Variants in PCDHGA9 observed in about 807,000 individuals in gnomAD.
The protein encoded by PCDHGA9 is protocadherin gamma-A9.
Under a neutral mutation model 62.5 loss-of-function variants are expected in PCDHGA9, and 37 were observed. That is an observed-to-expected ratio of 0.59 (90% CI 0.46 to 0.78). The LOEUF is 0.78. Ranked by LOEUF, PCDHGA9 falls within the 30% of genes least tolerant of loss-of-function variation. The pLI is 0.00. For synonymous variants in PCDHGA9, 459 were observed against 484.6 expected (o/e 0.95, Z 0.69); for missense variants, 1,138 against 1,166.2 (o/e 0.98, Z 0.35).
chr5:141,433,079 A>C, intron 1 of PCDHGA9: 1 of 1,614,208 alleles, frequency 6.2e-7, no homozygotes, highest in South Asian at 1.1e-5. Flanking sequence ...CCCCCAGCCC[A>C]ACTATGCAGA....
intron 2 of PCDHGA9, among the ~76,000 whole-genome samples, chr5:141,500,906 G>C (rs1333707004): frequency 6.7e-6 from 1 of 149,672 alleles, no homozygotes; most frequent in African/African-American, 2.5e-5. Flanking sequence ...GTCTCGCTCT[G>C]TCTCCAGGCT....
intron 1 of PCDHGA9, among the ~76,000 whole-genome samples, chr5:141,456,707 G>A (rs1198079338): frequency 6.6e-6 from 1 of 152,208 alleles, no homozygotes; most frequent in African/African-American, 2.4e-5. Context: ...GCTCGCGCCT[G>A]TAATCCCAGC....
intron 1 of PCDHGA9, among the ~76,000 whole-genome samples, chr5:141,444,152 ATTTTTTTTTTTTTTT>A (rs747671382): frequency 3.8e-4 from 13 of 33,894 alleles, no homozygotes; most frequent in East Asian, 1.0e-3. Context: ...TGTGTACTGG[ATTTTTTTTTTTTTTT>A]TTTTTTTTTT....
intron 2 of PCDHGA9, among the ~76,000 whole-genome samples, chr5:141,495,607 A>G (rs1484333463): frequency 1.3e-5 from 2 of 151,832 alleles, no homozygotes; most frequent in Admixed American, 1.3e-4. Flanking sequence ...TTCCGTCTTG[A>G]TTGCTGCACC....
chr5:141,431,536 G>T lies in PCDHGA9; in HGVS notation c.2424+26160G>T. Reference sequence around the variant, plus strand: ...TTCCGGAGAATCTGGCCTTGGGCACGCAGCTGCTTGTAGTCAACGCTACCG... The same window carrying T: ...TTCCGGAGAATCTGGCCTTGGGCACTCAGCTGCTTGTAGTCAACGCTACCG... On this transcript the variant is annotated intron_variant, in intron 1 of 3. Coordinates refer to ENST00000573521, the MANE Select transcript of PCDHGA9 (RefSeq NM_018921.3). The surrounding 1 kb of genome is among the most constrained non-coding windows in gnomAD (Gnocchi z 4.8). 6.2e-7 allele frequency: 1 copy of T among 1,614,068 alleles called. No homozygotes were observed. Among genetic ancestry groups the T allele is most frequent in the Non-Finnish European group, 8.5e-7 (1 of 1,180,022 alleles).
intron 1 of PCDHGA9, among the ~76,000 whole-genome samples, chr5:141,436,424 T>C (rs2154557109): frequency 6.6e-6 from 1 of 152,322 alleles, no homozygotes; most frequent in Middle Eastern, 3.4e-3. Context: ...AAACAAATAA[T>C]GTACTCTGGG....
At chr5:141,506,700 G>A (rs780282969) in intron 3 of PCDHGA9, among the ~76,000 whole-genome samples, 3 of 152,138 alleles carry the variant, frequency 2.0e-5, no homozygotes, top group Non-Finnish European at 2.9e-5. Flanking sequence ...ACCCAAACCC[G>A]TTTTTTACTG....
chr5:141,427,697 A>G (rs1306378691), intron 1 of PCDHGA9: 3 of 924,392 alleles, frequency 3.2e-6, no homozygotes, highest in South Asian at 1.4e-5. Context: ...CCATCCCACA[A>G]GTCAGCGCCT....
chr5:141,474,405 G>C (rs2099348833), intron 1 of PCDHGA9, among the ~76,000 whole-genome samples: 1 of 152,196 alleles, frequency 6.6e-6, no homozygotes, highest in Admixed American at 6.5e-5. Context: ...AAGCTCCCCG[G>C]TGATGCCTAG....
chr5:141,477,890 C>A lies in PCDHGA9; in HGVS notation c.2425-16917C>A, dbSNP rs202114426. On this transcript the variant is annotated intron_variant, in intron 1 of 3. Transcript: ENST00000573521. This position sits in a 1 kb window ranked among gnomAD's most constrained non-coding sequence, Gnocchi z 4.9. ...TACCTCAGCTGGCCACCTAGTGTCA[C>A]GGGTGGTAGGCTGGGACGCGGATGC... is the stretch of plus-strand genomic sequence containing the variant. 3.1e-6 allele frequency: 5 copies of A among 1,614,204 alleles called. 1 individual carries two copies. In the Admixed American group the frequency reaches 8.3e-5, roughly 27 times the overall value.
At chr5:141,484,672 A>G (rs1253641119) in intron 1 of PCDHGA9, among the ~76,000 whole-genome samples, 1 of 151,990 alleles carries the variant, frequency 6.6e-6, no homozygotes, top group African/African-American at 2.4e-5. Flanking sequence ...AGTGGGCCGC[A>G]GGTTGCTAGG....
intron 1 of PCDHGA9, among the ~76,000 whole-genome samples, chr5:141,473,383 C>A (rs976400317): frequency 3.3e-5 from 5 of 152,200 alleles, no homozygotes; most frequent in African/African-American, 9.6e-5. Context: ...GGTCCCTGCC[C>A]TCCTGGAGCT....
intron 1 of PCDHGA9, chr5:141,430,990 GA>G (rs1185464233): frequency 1.2e-6 from 2 of 1,613,970 alleles, no homozygotes; most frequent in East Asian, 4.5e-5. Context: ...TTTTCGCCCT[GA>G]ATCCGCGCAG....
chr5:141,489,088 G>GCCAA lies in PCDHGA9; in HGVS notation c.2425-5719_2425-5718insCCAA. The GCCAA allele has an allele frequency of 2.9e-6, 1 of 347,240 alleles. No individual in the cohort carries two copies. Among genetic ancestry groups the GCCAA allele is most frequent in the Non-Finnish European group, 5.0e-6 (1 of 200,708 alleles). The allele number at this position is 347,240 out of a possible 1,614,324, so 21.5% of individuals were successfully genotyped here. A position where few individuals can be genotyped will look rare whatever the true frequency, so the allele number is the denominator to read the frequency against. ...CCCCTGCCCACCCCCGCCACTCGGT[G>GCCAA]ACTAAGAACTGCTGCAAGCAGGCAA... On this transcript the variant is annotated intron_variant, in intron 1 of 3. Transcript: ENST00000573521. This position sits in a 1 kb window ranked among gnomAD's most constrained non-coding sequence, Gnocchi z 4.5.
chr5:141,508,994 A>G (rs2099873731), intron 3 of PCDHGA9, among the ~76,000 whole-genome samples: 1 of 152,052 alleles, frequency 6.6e-6, no homozygotes, highest in South Asian at 2.1e-4. Flanking sequence ...CAGCTGGGGT[A>G]GGAGAGGAGG....
Position 141,404,720 on chromosome 5 carries a change from A to C in PCDHGA9, c.1768A>C (p.Lys590Gln). The C allele has an allele frequency of 6.2e-7, 1 of 1,613,804 alleles. No homozygotes were observed. Among genetic ancestry groups the C allele is most frequent in the Non-Finnish European group, 8.5e-7 (1 of 1,179,998 alleles). ...RSAEPGYLVT[K>Q]VVAVDRDSGQ... is the part of the protein sequence containing the mutation. ...TGCAGAGCCTGGCTACCTGGTGACC[A>C]AGGTGGTGGCAGTGGACAGAGACTC... is the stretch of plus-strand genomic sequence containing the variant. The change falls in exon 1 of 4, where the codon AAG (lysine) becomes CAG (glutamine). Residue 590 changes from lysine (K) to glutamine (Q), a missense_variant. By Grantham distance (53) the Lys-to-Gln change is moderately conservative. Transcript: ENST00000573521.
At chr5:141,458,064 C>G (rs886724551) in intron 1 of PCDHGA9, among the ~76,000 whole-genome samples, 1 of 152,104 alleles carries the variant, frequency 6.6e-6, no homozygotes, top group Admixed American at 6.6e-5. Flanking sequence ...TGCACTGATG[C>G]GAACAACTAT....
chr5:141,481,619 A>T (rs1303171847), intron 1 of PCDHGA9, among the ~76,000 whole-genome samples: 1 of 152,128 alleles, frequency 6.6e-6, no homozygotes, highest in Non-Finnish European at 1.5e-5. Flanking sequence ...GGAGTTCAAG[A>T]CCGGCCTGGC....
At position 141,505,406 on chromosome 5, in the gene PCDHGA9, G is replaced by A. The variant is rs546453598; in HGVS notation, c.2497G>A (p.Asp833Asn). 61 of 1,614,174 alleles carry A rather than the reference G, an allele frequency of 3.8e-5. No individual in the cohort carries two copies. The highest frequency in any genetic ancestry group is 1.1e-4 in the East Asian group (5 of 44,866). ...RPGTSGSQNG[D>N]DTGTWPNNQF... Reference sequence around the variant, plus strand: ...CTCTCTCCCCAGCTCCCAAAATGGCGATGACACCGGCACCTGGCCCAACAA... The same window carrying A: ...CTCTCTCCCCAGCTCCCAAAATGGCAATGACACCGGCACCTGGCCCAACAA... Residue 833 changes from aspartate to asparagine, a missense_variant, in exon 3 of 4, where the codon GAT (aspartate) becomes AAT (asparagine). Transcript: ENST00000573521.
Sources: gnomAD v4.1 joint callset for allele counts (sites outside exome capture counted in the v4.1 genomes callset) on GRCh38, gnomAD v4.1.1 for gene constraint, Gnocchi (gnomAD v3.1) non-coding constraint, MANE v1.5 for transcripts, NCBI Gene and HGNC (gene_info 2026-07-23, HGNC 2026-07-21) for gene names.